LTBP1: variants seen among roughly 807,000 people sequenced by gnomAD.
The protein encoded by LTBP1 is latent-transforming growth factor beta-binding protein 1.
A neutral mutation model predicts 207.6 loss-of-function variants in LTBP1; 129 were observed. The ratio of observed to expected loss-of-function variants is 0.62; its 90% CI spans 0.54 to 0.72. The LOEUF is 0.72. Ranked by LOEUF, LTBP1 falls within the 30% of genes least tolerant of loss-of-function variation. LTBP1 has a pLI of 0.00. For synonymous variants in LTBP1, 963 were observed against 833.7 expected (o/e 1.16, Z -2.67); for missense variants, 2,281 against 2,217.2 (o/e 1.03, Z -0.58).
At chr2:33,265,925 C>T (rs929029421) in intron 15 of LTBP1, among the ~76,000 whole-genome samples, 3 of 152,160 alleles carry the variant, frequency 2.0e-5, no homozygotes, top group African/African-American at 7.2e-5. Flanking sequence ...TCCTCAGAAA[C>T]ATGTTATGGT....
chr2:33,095,802 AT>A (rs1427895265), intron 3 of LTBP1, among the ~76,000 whole-genome samples: 11 of 152,292 alleles, frequency 7.2e-5, no homozygotes, highest in Non-Finnish European at 1.2e-4. Context: ...GGCCTTGAAG[AT>A]AGATCAATAT....
At chr2:32,971,215 A>G (rs1375995035) in intron 2 of LTBP1, among the ~76,000 whole-genome samples, 1 of 152,114 alleles carries the variant, frequency 6.6e-6, no homozygotes, top group African/African-American at 2.4e-5. Flanking sequence ...GGTTTTCTAG[A>G]TATAAAATCA....
At chr2:32,990,210 G>A (rs13001191) in intron 2 of LTBP1, among the ~76,000 whole-genome samples, 11,036 of 152,228 alleles carry the variant, frequency 0.072, 489 homozygotes, top group South Asian at 0.19. Context: ...CCATGCATAC[G>A]CAATTGACAG....
At chr2:33,059,621 C>T (rs1390741712) in intron 3 of LTBP1, among the ~76,000 whole-genome samples, 1 of 152,156 alleles carries the variant, frequency 6.6e-6, no homozygotes, top group East Asian at 1.9e-4. Flanking sequence ...AAGTCTGGGC[C>T]TGAAGAGGTG....
intron 19 of LTBP1, among the ~76,000 whole-genome samples, chr2:33,292,871 G>A (rs889637702): frequency 1.3e-5 from 2 of 151,966 alleles, no homozygotes; most frequent in African/African-American, 4.8e-5. Context: ...TAAATCTCCC[G>A]TCTCTTCCTT....
intron 2 of LTBP1, among the ~76,000 whole-genome samples, chr2:32,984,679 T>G (rs1015340532): frequency 9.9e-5 from 15 of 151,780 alleles, no homozygotes; most frequent in African/African-American, 3.6e-4. Flanking sequence ...CCCAGCACTT[T>G]GGAGGCCGAG....
At chr2:33,110,495 A>T in intron 3 of LTBP1, 87 bp from the exon 4 acceptor site, 1 of 1,239,976 alleles carries the variant, frequency 8.1e-7, no homozygotes, top group Non-Finnish European at 1.1e-6. Flanking sequence ...TCCTTTCTAC[A>T]TTTAACTCGT....
At chr2:33,326,401 G>A (rs1188645993) in intron 24 of LTBP1, among the ~76,000 whole-genome samples, 1 of 152,002 alleles carries the variant, frequency 6.6e-6, no homozygotes, top group Non-Finnish European at 1.5e-5. Flanking sequence ...GAGGAAAACT[G>A]TTTGAAACAA....
intron 2 of LTBP1, among the ~76,000 whole-genome samples, chr2:33,007,871 T>C (rs1687144989): frequency 1.3e-5 from 2 of 152,212 alleles, no homozygotes; most frequent in Admixed American, 1.3e-4. Context: ...ATTATTTCCA[T>C]TTACAGATAG....
intron 5 of LTBP1, among the ~76,000 whole-genome samples, chr2:33,149,952 C>G (rs1037550284): frequency 6.6e-6 from 1 of 152,100 alleles, no homozygotes; most frequent in Non-Finnish European, 1.5e-5. Context: ...ACCCAAACAT[C>G]TTTACACATG....
At chr2:33,088,672 A>G (rs1258805188) in intron 3 of LTBP1, among the ~76,000 whole-genome samples, 3 of 152,152 alleles carry the variant, frequency 2.0e-5, no homozygotes, top group Admixed American at 1.3e-4. Flanking sequence ...GGGACTTAAT[A>G]TATATTTGTT....
intron 26 of LTBP1, among the ~76,000 whole-genome samples, chr2:33,352,970 CTTTTTTTT>C (rs61357622): frequency 2.0e-4 from 19 of 93,220 alleles, no homozygotes; most frequent in Non-Finnish European, 3.2e-4. Context: ...GTAAGCCTTT[CTTTTTTTT>C]TTTTTTTTTT....
intron 3 of LTBP1, among the ~76,000 whole-genome samples, chr2:33,066,964 C>T (rs1053950389): frequency 1.3e-5 from 2 of 152,036 alleles, no homozygotes; most frequent in South Asian, 4.1e-4. Context: ...TCCAGGAGTT[C>T]GAGACCAGCC....
chr2:33,172,458 C>A (rs2085552662), intron 5 of LTBP1, among the ~76,000 whole-genome samples: 1 of 152,142 alleles, frequency 6.6e-6, no homozygotes, highest in Non-Finnish European at 1.5e-5. Flanking sequence ...AGCTAACTAT[C>A]CTAAATATAT....
intron 22 of LTBP1, among the ~76,000 whole-genome samples, chr2:33,303,352 C>CTTTTTT (rs762959638): frequency 7.5e-6 from 1 of 132,954 alleles, no homozygotes; most frequent in Non-Finnish European, 1.6e-5. Context: ...GTTAGATTTT[C>CTTTTTT]TTTTTTTTTT....
intron 8 of LTBP1, among the ~76,000 whole-genome samples, chr2:33,221,530 CT>C (rs572503566): frequency 8.7e-4 from 132 of 152,288 alleles, no homozygotes; most frequent in African/African-American, 2.8e-3. Context: ...CTGACTTCCT[CT>C]CATCACCTGC....
intron 3 of LTBP1, among the ~76,000 whole-genome samples, chr2:33,103,297 GTCTC>G (rs932280905): frequency 1.6e-4 from 24 of 149,604 alleles, no homozygotes; most frequent in African/African-American, 4.4e-4. Flanking sequence ...TGTATGCACA[GTCTC>G]TATGTTGTAT....
intron 3 of LTBP1, among the ~76,000 whole-genome samples, chr2:33,094,623 A>C (rs1383947063): frequency 2.0e-5 from 3 of 152,226 alleles, no homozygotes; most frequent in African/African-American, 7.2e-5. Context: ...GGGGAATTAC[A>C]TAAAGTCATT....
At chr2:33,208,456 G>T (rs559351451) in intron 7 of LTBP1, among the ~76,000 whole-genome samples, 1 of 152,314 alleles carries the variant, frequency 6.6e-6, no homozygotes, top group East Asian at 1.9e-4. Flanking sequence ...TGTGTGTACA[G>T]GTTAGCAGGA....
Sources: gnomAD v4.1 joint callset for allele counts (sites outside exome capture counted in the v4.1 genomes callset) on GRCh38, gnomAD v4.1.1 for gene constraint, MANE v1.5 for transcripts, NCBI Gene and HGNC (gene_info 2026-07-23, HGNC 2026-07-21) for gene names.